The following DLGAP2 variants were observed in gnomAD, a reference collection of about 807,000 sequenced individuals.
The protein encoded by DLGAP2 is disks large-associated protein 2.
In DLGAP2, 26 loss-of-function variants were observed where a neutral mutation model predicts 100.3. The ratio of observed to expected loss-of-function variants is 0.26; its 90% CI spans 0.19 to 0.36. The LOEUF (loss-of-function observed/expected upper bound fraction) is 0.36, where lower values mean the gene tolerates loss of function less well. DLGAP2 is among the 10% of genes least tolerant of loss of function. The pLI is 1.00. For synonymous variants in DLGAP2, 886 were observed against 630.1 expected (o/e 1.41, Z -6.08); for missense variants, 1,858 against 1,453.2 (o/e 1.28, Z -4.53).
intron 3 of DLGAP2, among the ~76,000 whole-genome samples, chr8:1,449,923 C>A (rs1798099277): frequency 1.5e-5 from 2 of 129,176 alleles, no homozygotes; most frequent in Non-Finnish European, 1.7e-5. Context: ...GGTGGGCGGC[C>A]TCGGTGGCTG....
At chr8:1,315,135 A>G (rs1800702491) in intron 3 of DLGAP2, among the ~76,000 whole-genome samples, 1 of 152,384 alleles carries the variant, frequency 6.6e-6, no homozygotes, top group Admixed American at 6.5e-5. Flanking sequence ...TTTTGAGAAG[A>G]GTAAAGCTTC....
chr8:1,466,423 C>A (rs975398048), intron 3 of DLGAP2, among the ~76,000 whole-genome samples: 1 of 151,966 alleles, frequency 6.6e-6, no homozygotes, highest in Non-Finnish European at 1.5e-5. Flanking sequence ...TGGAACCACG[C>A]GTGCAGTGAC....
intron 1 of DLGAP2, among the ~76,000 whole-genome samples, chr8:836,121 G>A (rs1039330700): frequency 6.6e-6 from 1 of 152,186 alleles, no homozygotes; most frequent in Non-Finnish European, 1.5e-5. Context: ...GTTCCTGAAC[G>A]CTTTTTCTCT....
At chr8:1,219,472 G>A (rs563859272) in intron 2 of DLGAP2, among the ~76,000 whole-genome samples, 7 of 152,316 alleles carry the variant, frequency 4.6e-5, no homozygotes, top group African/African-American at 1.7e-4. Flanking sequence ...TTGCCTGCCT[G>A]ACCGTGGTGG....
intron 2 of DLGAP2, among the ~76,000 whole-genome samples, chr8:1,051,849 A>G (rs1165868136): frequency 6.6e-6 from 1 of 151,996 alleles, no homozygotes; most frequent in Admixed American, 6.6e-5. Flanking sequence ...CTAAGTGGAG[A>G]AGTCGACTGG....
At chr8:1,341,048 CAT>C (rs1801405619) in intron 3 of DLGAP2, among the ~76,000 whole-genome samples, 1 of 151,970 alleles carries the variant, frequency 6.6e-6, no homozygotes, top group Non-Finnish European at 1.5e-5. Context: ...CTCACGGACA[CAT>C]AGAGGGGAAC....
chr8:1,200,272 C>T lies in DLGAP2; in HGVS notation c.74-58579C>T, dbSNP rs553871422. 1.0e-3 allele frequency among the ~76,000 whole-genome samples: 156 copies of T among 152,334 alleles called. No individual in the cohort carries two copies. The Middle Eastern group carries it at 0.014, about 13-fold the overall frequency. ...CCTCTTTCCCCATCGAGGCTTCATG[C>T]GCCGTCTCCAGCCTCTTGCTCCGGG... On this transcript the variant is annotated intron_variant, in intron 2 of 14. Transcript: ENST00000637795.
intron 1 of DLGAP2, among the ~76,000 whole-genome samples, chr8:859,892 A>C (rs540217096): frequency 6.6e-6 from 1 of 152,234 alleles, no homozygotes; most frequent in Non-Finnish European, 1.5e-5. Flanking sequence ...CGCACACATG[A>C]GACACATGGG....
chr8:1,106,742 G>GT (rs1275234597), intron 2 of DLGAP2, among the ~76,000 whole-genome samples: 1 of 151,580 alleles, frequency 6.6e-6, no homozygotes, highest in African/African-American at 2.4e-5. Context: ...TTCTAGGAGG[G>GT]TTTTCTATTG....
chr8:867,232 G>C (rs1387561786), intron 1 of DLGAP2, among the ~76,000 whole-genome samples: 3 of 152,192 alleles, frequency 2.0e-5, no homozygotes, highest in Non-Finnish European at 1.5e-5. Context: ...GTTTTCTTTG[G>C]GTCTTTCCTG....
chr8:1,027,116 T>C (rs1449888577), intron 2 of DLGAP2, among the ~76,000 whole-genome samples: 1 of 152,186 alleles, frequency 6.6e-6, no homozygotes, highest in Non-Finnish European at 1.5e-5. Context: ...TTTTTTTACG[T>C]AAATTGTTTT....
intron 1 of DLGAP2, among the ~76,000 whole-genome samples, chr8:802,035 C>A (rs1477330387): frequency 7.5e-6 from 1 of 133,576 alleles, no homozygotes; most frequent in Non-Finnish European, 1.7e-5. Context: ...CTGGGCCCTC[C>A]ATCCTCACGG....
intron 1 of DLGAP2, among the ~76,000 whole-genome samples, chr8:857,901 G>T (rs553981093): frequency 2.6e-4 from 39 of 150,506 alleles, no homozygotes; most frequent in Non-Finnish European, 3.8e-4. Context: ...ACGGAGCCTC[G>T]CTCTTGTTGC....
intron 3 of DLGAP2, among the ~76,000 whole-genome samples, chr8:1,447,440 T>C (rs1450201946): frequency 6.6e-6 from 1 of 152,226 alleles, no homozygotes; most frequent in Middle Eastern, 3.2e-3. Context: ...TGAAGCCCAC[T>C]TGATCATGGT....
At chr8:857,316 G>A (rs770037503) in intron 1 of DLGAP2, among the ~76,000 whole-genome samples, 1 of 152,202 alleles carries the variant, frequency 6.6e-6, no homozygotes, top group Non-Finnish European at 1.5e-5. Flanking sequence ...AATGCATGAT[G>A]CATGAGAAAA....
intron 2 of DLGAP2, among the ~76,000 whole-genome samples, chr8:1,159,303 A>C (rs1193150264): frequency 9.9e-5 from 15 of 152,242 alleles, no homozygotes; most frequent in Non-Finnish European, 2.1e-4. Flanking sequence ...TCCTTTAAGG[A>C]AACTTGTAAT....
chr8:1,269,235 T>C (rs1363249466), intron 3 of DLGAP2, among the ~76,000 whole-genome samples: 1 of 152,136 alleles, frequency 6.6e-6, no homozygotes, highest in African/African-American at 2.4e-5. Context: ...TTCACAGCAG[T>C]AAATGAGTCC....
At position 999,624 on chromosome 8, in the gene DLGAP2, G is replaced by A. The variant is rs561118441; in HGVS notation, c.73+91658G>A. Among the ~76,000 whole-genome samples, 1,463 of 151,860 alleles carry A rather than the reference G, an allele frequency of 9.6e-3. 18 individuals are homozygous for A. The highest frequency in any genetic ancestry group is 0.02 in the Middle Eastern group (6 of 294). On this transcript the variant is annotated intron_variant, in intron 2 of 14. Coordinates refer to ENST00000637795, the MANE Select transcript of DLGAP2 (RefSeq NM_001346810.2). ...CTCCTGAGTAGCTGGGATTACAGGC[G>A]CCTGCCATCATGCCTGGCTCATTTT... is the stretch of plus-strand genomic sequence containing the variant.
chr8:1,360,688 A>G (rs1801962834), intron 3 of DLGAP2, among the ~76,000 whole-genome samples: 1 of 152,098 alleles, frequency 6.6e-6, no homozygotes, highest in Non-Finnish European at 1.5e-5. Flanking sequence ...AGAAACACAC[A>G]CCACACCGCC....
Sources: gnomAD v4.1 joint callset for allele counts (sites outside exome capture counted in the v4.1 genomes callset) on GRCh38, gnomAD v4.1.1 for gene constraint, MANE v1.5 for transcripts, NCBI Gene and HGNC (gene_info 2026-07-23, HGNC 2026-07-21) for gene names.